Variants in IARS2 observed in about 807,000 individuals in gnomAD.
The protein encoded by IARS2 is isoleucine--tRNA ligase, mitochondrial.
IARS2 carries 56 observed loss-of-function variants against 126.3 expected under a neutral mutation model. That is an observed-to-expected ratio of 0.44 (90% CI 0.36 to 0.55). The LOEUF (loss-of-function observed/expected upper bound fraction) is 0.55. Ranked by LOEUF, IARS2 falls within the 20% of genes least tolerant of loss-of-function variation. The probability of loss-of-function intolerance (pLI) is 0.00; values close to 1 mark genes in which losing one functional copy is unlikely to be tolerated. For missense variants in IARS2, 1,127 were observed against 1,245.9 expected, an observed-to-expected ratio of 0.90 and a Z score of 1.44; for synonymous variants, 407 against 441.1, an observed-to-expected ratio of 0.92 and a Z score of 0.97.
At chr1:220,104,970 A>C (rs1018526923) in intron 8 of IARS2, among the ~76,000 whole-genome samples, 8 of 152,372 alleles carry the variant, frequency 5.3e-5, no homozygotes, top group African/African-American at 1.7e-4. Flanking sequence ...TAATCAGTTC[A>C]GATACAAGCC....
chr1:220,147,982 A>C lies in IARS2; in HGVS notation c.*347A>C, dbSNP rs1291791659. The C allele has an allele frequency of 7.7e-6, 3 of 391,144 alleles. No individual in the cohort carries two copies. The highest frequency in any genetic ancestry group is 2.1e-5 in the African/African-American group (1 of 48,464). 24.2% of individuals were successfully genotyped at this position (391,144 alleles called of 1,614,324 possible). The stretch of plus-strand genomic sequence containing the variant: ...GAAAATGTTTTATATTTTATAAATC[A>C]TCTTTTGACTCTGTATTTAAATTCT... On this transcript the variant is annotated 3_prime_UTR_variant, in exon 23 of 23. Transcript: ENST00000366922.
In IARS2 at chr1:220,103,575, A is replaced by C. The variant is rs375400499; in HGVS notation, c.1066+13A>C. ...TCAACACTTTCAGGTGAAGATTTTT[A>C]GATATCTGACAACATAGTCATCAAA... On this transcript the variant is annotated intron_variant, in intron 8 of 22. Transcript: ENST00000366922. The C allele has an allele frequency of 1.0e-5, 15 of 1,488,614 alleles. No individual in the cohort carries two copies. Among genetic ancestry groups the C allele is most frequent in the African/African-American group, 1.4e-5 (1 of 72,506 alleles). The allele number at this position is 1,488,614 out of a possible 1,614,324, so 92.2% of individuals were successfully genotyped here.
intron 12 of IARS2, 44 bp downstream of exon 12, chr1:220,114,518 T>G (rs774203939): frequency 6.8e-7 from 1 of 1,474,980 alleles, no homozygotes; most frequent in Admixed American, 2.1e-5. Flanking sequence ...AAGTGAAATA[T>G]TTTTTCTTCA....
At chr1:220,122,961 C>G (rs1657077924) in intron 12 of IARS2, among the ~76,000 whole-genome samples, 1 of 151,310 alleles carries the variant, frequency 6.6e-6, no homozygotes, top group Non-Finnish European at 1.5e-5. Context: ...AAATGACACC[C>G]ATTTTTAGAA....
In IARS2 at chr1:220,126,829, C is replaced by G. The variant is rs1044824100; in HGVS notation, c.1823C>G (p.Ser608Cys). ...TGGTTTGATAGCGGAACTTCATGGT[C>G]TTATGTTCTTCCAGGTAATTCTTAA... is the stretch of plus-strand genomic sequence containing the variant. ...DIWFDSGTSW[S>C]YVLPGPDQRA... Residue 608 changes from serine to cysteine, a missense_variant, in exon 14 of 23, where the codon TCT (serine) becomes TGT (cysteine). Transcript: ENST00000366922. 1.9e-6 allele frequency: 3 copies of G among 1,607,888 alleles called. No individual in the cohort carries two copies. The highest frequency in any genetic ancestry group is 1.7e-4 in the Middle Eastern group (1 of 6,040).
chr1:220,099,500 G>C (rs1368385291), intron 2 of IARS2, among the ~76,000 whole-genome samples: 1 of 152,064 alleles, frequency 6.6e-6, no homozygotes, highest in East Asian at 1.9e-4. Flanking sequence ...ATCACATGTG[G>C]CCAGTGGCTA....
chr1:220,094,280 T>TG lies in IARS2; in HGVS notation c.69dup (p.Thr24AspfsTer27). On this transcript the variant is annotated frameshift_variant, in exon 1 of 23. Transcript: ENST00000366922. LOFTEE classifies it high-confidence loss of function. ...CGCCCTGGCCACTGCCCGAAGTTTG[T>TG]GGGGGACGCCCCGCCTTCCCTGCAG... 6.2e-7 allele frequency: 1 copy of TG among 1,609,738 alleles called. No individual in the cohort carries two copies. Among genetic ancestry groups the TG allele is most frequent in the Middle Eastern group, 1.7e-4 (1 of 5,988 alleles).
intron 10 of IARS2, 139 bp downstream of exon 10, chr1:220,107,290 T>C (rs1656702224): frequency 3.2e-6 from 2 of 625,638 alleles, no homozygotes; most frequent in African/African-American, 3.7e-5. Flanking sequence ...TGTTTTAAAA[T>C]GGAGTTTGGG....
chr1:220,137,933 C>G lies in IARS2; in HGVS notation c.2065C>G (p.Pro689Ala). 6.2e-7 allele frequency: 1 copy of G among 1,614,030 alleles called. No individual in the cohort carries two copies. Among genetic ancestry groups the G allele is most frequent in the South Asian group, 1.1e-5 (1 of 91,084 alleles). The part of the protein sequence containing the change: ...VNGGQDQSKE[P>A]PYGADVLRWW... ...CAATGAAAAGGATCAAAGCAAAGAG[C>G]CTCCGTATGGTGCTGATGTCCTTCG... The change falls in exon 17 of 23, where the codon CCT becomes GCT. Residue 689 changes from proline to alanine, a missense_variant. Pro to Ala is a conservative substitution (Grantham distance 27). Transcript: ENST00000366922.
chr1:220,145,202 AG>A (rs1470743355), intron 21 of IARS2, among the ~76,000 whole-genome samples: 1 of 152,124 alleles, frequency 6.6e-6, no homozygotes, highest in Non-Finnish European at 1.5e-5. Context: ...TCATTTGTAA[AG>A]TGAGGATAAT....
At chr1:220,135,871 G>A (rs906691964) in intron 15 of IARS2, among the ~76,000 whole-genome samples, 3 of 143,710 alleles carry the variant, frequency 2.1e-5, no homozygotes, top group African/African-American at 5.2e-5. Context: ...ACCACAAGAG[G>A]TTTTATAACA....
intron 12 of IARS2, among the ~76,000 whole-genome samples, chr1:220,123,120 T>C (rs1657082879): frequency 6.6e-6 from 1 of 151,846 alleles, no homozygotes; most frequent in African/African-American, 2.4e-5. Context: ...TTTAGATTTA[T>C]TCAGATTTTT....
chr1:220,104,933 C>G (rs989077075), intron 8 of IARS2, among the ~76,000 whole-genome samples: 1 of 152,088 alleles, frequency 6.6e-6, no homozygotes, highest in Admixed American at 6.5e-5. Context: ...GAAAGACTGC[C>G]TAGCTAAATA....
chr1:220,133,851 C>G (rs980495160), intron 14 of IARS2, among the ~76,000 whole-genome samples: 5 of 151,790 alleles, frequency 3.3e-5, no homozygotes, highest in Admixed American at 6.6e-5. Context: ...TGGATAGTCT[C>G]TTAACATAAC....
At chr1:220,142,856 C>A in intron 20 of IARS2, 88 bp from the exon 21 acceptor site, 1 of 802,816 alleles carries the variant, frequency 1.2e-6, no homozygotes, top group South Asian at 4.0e-5. Flanking sequence ...ATTCTTATTT[C>A]CCATTAATGG....
chr1:220,111,685 C>G (rs1006847916), intron 11 of IARS2, among the ~76,000 whole-genome samples: 8 of 149,298 alleles, frequency 5.4e-5, no homozygotes, highest in Non-Finnish European at 8.9e-5. Context: ...ATGTGTTAAC[C>G]AGGTTGAATA....
At position 220,114,572 on chromosome 1, in the gene IARS2, G is replaced by A. The variant is rs116058576; in HGVS notation, c.1640+98G>A. On this transcript the variant is annotated intron_variant, in intron 12 of 22. Transcript: ENST00000366922. ...GGATGATTAAGAACCGTTTATATAT[G>A]TTAAATAAAATATGCTAAAATAGTC... is the stretch of plus-strand genomic sequence containing the variant. The A allele has an allele frequency of 1.6e-3, 1,400 of 874,440 alleles. 20 individuals carry two copies. In the African/African-American group the frequency reaches 0.022, roughly 14 times the overall value. 54.2% of individuals were successfully genotyped at this position (874,440 alleles called of 1,614,324 possible). A position where few individuals can be genotyped will look rare whatever the true frequency, so the allele number is the denominator to read the frequency against.
Position 220,137,957 on chromosome 1 carries a change from C to T in IARS2, c.2089C>T (p.Arg697Cys), listed in dbSNP as rs559573080. Residue 697 changes from arginine to cysteine, a missense_variant, in exon 17 of 23, where the codon CGC becomes TGC. Physicochemically the swap from Arg to Cys is radical, Grantham distance 180 (BLOSUM62 -3). Transcript: ENST00000366922. ...KEPPYGADVL[R>C]WWVADSNVFT... ...GCCTCCGTATGGTGCTGATGTCCTT[C>T]GCTGGTGGGTAGCTGATTCCAATGT... 2.5e-6 allele frequency: 4 copies of T among 1,614,096 alleles called. No individual in the cohort carries two copies. The highest frequency in any genetic ancestry group is 1.3e-5 in the African/African-American group (1 of 75,034).
At chr1:220,095,928 TACTTTGAC>T (rs554362922) in intron 1 of IARS2, among the ~76,000 whole-genome samples, 168 bp from the exon 2 acceptor site, 5 of 152,328 alleles carry the variant, frequency 3.3e-5, no homozygotes, top group South Asian at 4.1e-4. Context: ...AAGAGATGCG[TACTTTGAC>T]ACGCATTTCA....
Sources: allele counts gnomAD v4.1 joint callset (sites outside exome capture counted in the v4.1 genomes callset), GRCh38; gene constraint gnomAD v4.1.1; transcripts MANE v1.5; gene names NCBI Gene and HGNC (gene_info 2026-07-23, HGNC 2026-07-21).